Variants in SCN8A observed in about 807,000 individuals in gnomAD.
SCN8A encodes the protein sodium voltage-gated channel alpha subunit 8.
A neutral mutation model predicts 184.1 loss-of-function variants in SCN8A; 30 were observed. The ratio of observed to expected loss-of-function variants is 0.16; its 90% CI spans 0.12 to 0.22. The LOEUF is 0.22. Among genes scored for constraint, SCN8A ranks in the 10% least tolerant of loss-of-function variants. The pLI is 1.00. For missense variants in SCN8A, 1,057 were observed against 2,498.9 expected (o/e 0.42, Z 12.30); for synonymous variants, 852 against 907.0 (o/e 0.94, Z 1.09).
intron 1 of SCN8A, among the ~76,000 whole-genome samples, chr12:51,661,931 G>A (rs141135225): frequency 6.6e-6 from 1 of 152,334 alleles, no homozygotes; most frequent in Non-Finnish European, 1.5e-5. Flanking sequence ...CTTTTTAGAA[G>A]GGAATTTTTG....
At chr12:51,699,548 T>C (rs762682027) in intron 6 of SCN8A, 22 bp from the exon 7 acceptor site, 5 of 1,589,498 alleles carry the variant, frequency 3.1e-6, no homozygotes, top group Non-Finnish European at 4.3e-6. Flanking sequence ...TGCCTCTGAT[T>C]CCGGGGATTC....
At chr12:51,788,242 T>C (rs915413326) in intron 22 of SCN8A, among the ~76,000 whole-genome samples, 2 of 150,892 alleles carry the variant, frequency 1.3e-5, no homozygotes, top group Admixed American at 1.3e-4. Context: ...CTTGTTTTTC[T>C]GTTAAATCCA....
chr12:51,675,046 A>G (rs1342326381), intron 2 of SCN8A, among the ~76,000 whole-genome samples: 3 of 152,354 alleles, frequency 2.0e-5, no homozygotes, highest in Non-Finnish European at 4.4e-5. Context: ...AGGGGTTAAT[A>G]TGCTTTACAT....
intron 11 of SCN8A, among the ~76,000 whole-genome samples, chr12:51,719,892 C>T (rs1163386824): frequency 2.0e-5 from 3 of 151,714 alleles, no homozygotes; most frequent in Admixed American, 6.6e-5. Flanking sequence ...CTGGCTAACA[C>T]GGTGAAACCC....
intron 1 of SCN8A, among the ~76,000 whole-genome samples, chr12:51,630,756 A>G (rs1200036787): frequency 6.6e-6 from 1 of 151,938 alleles, no homozygotes; most frequent in African/African-American, 2.4e-5. Flanking sequence ...CCCTCCTAGT[A>G]TAAGTAATCA....
intron 26 of SCN8A, among the ~76,000 whole-genome samples, chr12:51,800,914 G>T (rs1289329293): frequency 6.6e-6 from 1 of 152,200 alleles, no homozygotes; most frequent in Non-Finnish European, 1.5e-5. Flanking sequence ...TCCTCAAAGG[G>T]ACCAGGCCTC....
At chr12:51,712,442 G>A in intron 11 of SCN8A, 1 of 765,898 alleles carries the variant, frequency 1.3e-6, no homozygotes, top group Non-Finnish European at 2.4e-6. Flanking sequence ...GCTGAGAACT[G>A]TAGCCCTTTT....
chr12:51,600,051 A>G (rs1213633224), intron 1 of SCN8A, among the ~76,000 whole-genome samples: 6 of 152,112 alleles, frequency 3.9e-5, no homozygotes, highest in East Asian at 3.9e-4. Context: ...CTTTATTTCT[A>G]ATTTTCTAAT....
chr12:51,797,321 T>G (rs1938439369), intron 26 of SCN8A, among the ~76,000 whole-genome samples: 1 of 152,184 alleles, frequency 6.6e-6, no homozygotes, highest in African/African-American at 2.4e-5. Context: ...AAATCTTACG[T>G]CACATGATAA....
At chr12:51,756,351 C>G (rs919201880) in intron 14 of SCN8A, among the ~76,000 whole-genome samples, 1 of 152,166 alleles carries the variant, frequency 6.6e-6, no homozygotes, top group African/African-American at 2.4e-5. Flanking sequence ...TCACCCCACT[C>G]GGGATCTGAC....
intron 2 of SCN8A, among the ~76,000 whole-genome samples, chr12:51,679,804 C>A (rs553630198): frequency 3.5e-5 from 5 of 144,332 alleles, no homozygotes; most frequent in Non-Finnish European, 5.9e-5. Context: ...TGGCTCACTG[C>A]AAGCTTTGCC....
chr12:51,651,476 T>TA (rs1363968205), intron 1 of SCN8A, among the ~76,000 whole-genome samples: 1 of 152,208 alleles, frequency 6.6e-6, no homozygotes, highest in Non-Finnish European at 1.5e-5. Context: ...GTGCTGGGAT[T>TA]ACAGGCATGA....
intron 1 of SCN8A, among the ~76,000 whole-genome samples, chr12:51,625,267 G>A (rs1397491074): frequency 2.0e-5 from 3 of 152,140 alleles, no homozygotes; most frequent in Non-Finnish European, 4.4e-5. Context: ...AAAATGTCAC[G>A]TGAGTGGAAT....
At chr12:51,684,384 T>A in intron 3 of SCN8A, 92 bp downstream of exon 3, 1 of 727,714 alleles carries the variant, frequency 1.4e-6, no homozygotes, top group South Asian at 1.5e-5. Context: ...ATATGTTAAG[T>A]TTTTTACTGA....
chr12:51,797,335 A>G (rs28806814), intron 26 of SCN8A, among the ~76,000 whole-genome samples: 5 of 152,254 alleles, frequency 3.3e-5, no homozygotes, highest in Non-Finnish European at 7.3e-5. Context: ...ATGATAAAGG[A>G]AAAAGAAAAG....
chr12:51,635,193 C>T (rs1460262226), intron 1 of SCN8A, among the ~76,000 whole-genome samples: 1 of 152,188 alleles, frequency 6.6e-6, no homozygotes, highest in African/African-American at 2.4e-5. Flanking sequence ...GTTCGTAGAA[C>T]AGATTTCTGT....
intron 2 of SCN8A, among the ~76,000 whole-genome samples, chr12:51,680,098 G>A (rs1032765218): frequency 6.6e-6 from 1 of 152,090 alleles, no homozygotes; most frequent in East Asian, 1.9e-4. Flanking sequence ...ATGTTTTATT[G>A]TAATACAATT....
At chr12:51,716,049 G>A (rs954126249) in intron 11 of SCN8A, among the ~76,000 whole-genome samples, 6 of 152,150 alleles carry the variant, frequency 3.9e-5, no homozygotes, top group Non-Finnish European at 2.9e-5. Flanking sequence ...AAAGTAGAGC[G>A]TAGGCTGGAT....
At chr12:51,622,561 G>A (rs751683764) in intron 1 of SCN8A, among the ~76,000 whole-genome samples, 1 of 152,044 alleles carries the variant, frequency 6.6e-6, no homozygotes, top group Non-Finnish European at 1.5e-5. Flanking sequence ...ATTAGACTGG[G>A]GTTATGGATT....
Sources: gnomAD v4.1 joint callset for allele counts (sites outside exome capture counted in the v4.1 genomes callset) on GRCh38, gnomAD v4.1.1 for gene constraint, MANE v1.5 for transcripts, NCBI Gene and HGNC (gene_info 2026-07-23, HGNC 2026-07-21) for gene names.